GATC: variants seen among roughly 807,000 people sequenced by gnomAD.
GATC encodes the protein glutamyl-tRNA amidotransferase subunit C, also known as glutamyl-tRNA(Gln) amidotransferase subunit C, mitochondrial.
In GATC, 11 loss-of-function variants were observed where a neutral mutation model predicts 14.4. That is an observed-to-expected ratio of 0.77 (90% CI 0.48 to 1.27). The LOEUF (loss-of-function observed/expected upper bound fraction) is 1.27, where lower values mean the gene tolerates loss of function less well. GATC is among the 50% of genes most tolerant of loss of function. The pLI, the probability that GATC is intolerant of heterozygous loss-of-function variation, is 0.00. For missense variants in GATC, 204 were observed against 183.0 expected (o/e 1.11, Z -0.66); for synonymous variants, 76 against 79.3 (o/e 0.96, Z 0.22).
chr12:120,448,513 G>A (rs1008880000), intron 2 of GATC, among the ~76,000 whole-genome samples: 15 of 151,362 alleles, frequency 9.9e-5, no homozygotes, highest in African/African-American at 3.6e-4. Flanking sequence ...ATTTTTAGTA[G>A]AGACAGGGTT....
Position 120,462,609 on chromosome 12 carries a change from G to A in GATC, c.*2650G>A, listed in dbSNP as rs1411052905. On this transcript the variant is annotated 3_prime_UTR_variant, in exon 4 of 4. Transcript: ENST00000551765. ...TAATACCTTCCAGATGTGAGGACCT[G>A]AGCTAGATGCTTTAGACGTTATCCT... 1 of 153,634 alleles carries A rather than the reference G, an allele frequency of 6.5e-6. No individual in the cohort carries two copies. Among genetic ancestry groups the A allele is most frequent in the Non-Finnish European group, 1.4e-5 (1 of 69,020 alleles). The allele number at this position is 153,634 out of a possible 1,614,324, so 9.5% of individuals were successfully genotyped here.
At chr12:120,449,901 T>A (rs1877991866) in intron 2 of GATC, among the ~76,000 whole-genome samples, 1 of 152,074 alleles carries the variant, frequency 6.6e-6, no homozygotes, top group South Asian at 2.1e-4. Flanking sequence ...TAGCTGGGAT[T>A]ACAGGTGCAC....
chr12:120,446,925 G>C, intron 2 of GATC, 96 bp downstream of exon 2: 2 of 1,252,432 alleles, frequency 1.6e-6, no homozygotes, highest in South Asian at 1.5e-5. Flanking sequence ...GGGTTAAAGA[G>C]TGTTAGCAAG....
chr12:120,447,939 G>A (rs964757288), intron 2 of GATC, among the ~76,000 whole-genome samples: 1 of 151,838 alleles, frequency 6.6e-6, no homozygotes, highest in African/African-American at 2.4e-5. Flanking sequence ...ATTTTTGATA[G>A]AGACGGGATT....
chr12:120,459,155 G>A (rs911062553), intron 3 of GATC, among the ~76,000 whole-genome samples: 7 of 152,090 alleles, frequency 4.6e-5, no homozygotes, highest in Non-Finnish European at 7.3e-5. Flanking sequence ...CACCGCACCC[G>A]GCCGTGAGCT....
chr12:120,457,602 C>CTTTTT (rs3999474), intron 3 of GATC, among the ~76,000 whole-genome samples: 4 of 103,610 alleles, frequency 3.9e-5, no homozygotes, highest in Non-Finnish European at 5.6e-5. Context: ...TAAAAGAATC[C>CTTTTT]TTTTTTTTTT....
chr12:120,462,282 T>A lies in GATC; in HGVS notation c.*2323T>A. On this transcript the variant is annotated 3_prime_UTR_variant, in exon 4 of 4. Coordinates refer to ENST00000551765, the MANE Select transcript of GATC (RefSeq NM_176818.3). ...GAGCACTTACTGTGTACTCTGTGCC[T>A]GGCATGAGGCTATCTCATTAAACCT... is the stretch of plus-strand genomic sequence containing the variant. 1 of 1,060,652 alleles carries A rather than the reference T, an allele frequency of 9.4e-7. No homozygotes were observed. Among genetic ancestry groups the A allele is most frequent in the Non-Finnish European group, 1.3e-6 (1 of 747,942 alleles). The allele number at this position is 1,060,652 out of a possible 1,614,324, so 65.7% of individuals were successfully genotyped here.
Position 120,462,135 on chromosome 12 carries a change from G to C in GATC, c.*2176G>C. 6.2e-7 allele frequency: 1 copy of C among 1,612,846 alleles called. No individual in the cohort carries two copies. The highest frequency in any genetic ancestry group is 8.5e-7 in the Non-Finnish European group (1 of 1,179,742). On this transcript the variant is annotated 3_prime_UTR_variant, in exon 4 of 4. Transcript: ENST00000551765. ...TAGCCATAGCTGGTGCTTCTCTCAGGATAAACTCGGATGTAGGAAGTTTCA... is the reference window on the plus strand; with the variant it reads ...TAGCCATAGCTGGTGCTTCTCTCAGCATAAACTCGGATGTAGGAAGTTTCA...
At chr12:120,457,771 A>G (rs1878227005) in intron 3 of GATC, among the ~76,000 whole-genome samples, 1 of 151,802 alleles carries the variant, frequency 6.6e-6, no homozygotes, top group African/African-American at 2.4e-5. Flanking sequence ...ACGCCTGGCT[A>G]ATTTTTTGTA....
rs1449663373 is a variant in GATC at position 120,463,690 on chromosome 12, C to A, written c.*3731C>A. The A allele has an allele frequency of 3.0e-6, 1 of 329,792 alleles. No individual in the cohort carries two copies. Among genetic ancestry groups the A allele is most frequent in the Non-Finnish European group, 5.5e-6 (1 of 181,004 alleles). 20.4% of individuals were successfully genotyped at this position (329,792 alleles called of 1,614,324 possible). On this transcript the variant is annotated 3_prime_UTR_variant, in exon 4 of 4. Coordinates refer to ENST00000551765, the MANE Select transcript of GATC (RefSeq NM_176818.3). Reference sequence around the variant, plus strand: ...TAGTATTCTCTCCAGGTTACAAATACCATGACCAAACTGTGTAATGTGATA... The same window carrying A: ...TAGTATTCTCTCCAGGTTACAAATAACATGACCAAACTGTGTAATGTGATA...
intron 2 of GATC, among the ~76,000 whole-genome samples, chr12:120,453,936 T>G (rs565480303): frequency 6.6e-6 from 1 of 152,098 alleles, no homozygotes; most frequent in Non-Finnish European, 1.5e-5. Flanking sequence ...TATGTATGTA[T>G]GTACATACAT....
At position 120,462,229 on chromosome 12, in the gene GATC, C is replaced by T; in HGVS notation, c.*2270C>T. 1 of 1,493,610 alleles carries T rather than the reference C, an allele frequency of 6.7e-7. No homozygotes were observed. The highest frequency in any genetic ancestry group is 9.1e-7 in the Non-Finnish European group (1 of 1,101,552). 92.5% of individuals were successfully genotyped at this position (1,493,610 alleles called of 1,614,324 possible). On this transcript the variant is annotated 3_prime_UTR_variant, in exon 4 of 4. Coordinates refer to ENST00000551765, the MANE Select transcript of GATC (RefSeq NM_176818.3). The stretch of plus-strand genomic sequence containing the variant: ...ATCAGAGCCAGAAGAATAAGCAAAC[C>T]AACATCTAACAATAATAGTTAAGTA...
chr12:120,451,745 A>C (rs191810245), intron 2 of GATC, among the ~76,000 whole-genome samples: 51 of 151,934 alleles, frequency 3.4e-4, no homozygotes, highest in African/African-American at 7.3e-4. Flanking sequence ...CCATCTCAAA[A>C]AAACAAACAA....
In GATC at chr12:120,446,698, GCGT is replaced by G; in HGVS notation, c.125_127del (p.Arg42del). ...CGGCTGCGGTGATCGAGCACCTGGA[GCGT>G]CTAGCGCTTGTGGACTTCGGCAGCC... On this transcript the variant is annotated inframe_deletion, in exon 2 of 4. Coordinates refer to ENST00000551765, the MANE Select transcript of GATC (RefSeq NM_176818.3). The G allele has an allele frequency of 6.2e-7, 1 of 1,613,784 alleles. No individual in the cohort carries two copies. Among genetic ancestry groups the G allele is most frequent in the African/African-American group, 1.3e-5 (1 of 75,070 alleles).
intron 2 of GATC, among the ~76,000 whole-genome samples, chr12:120,453,794 C>T (rs1878108965): frequency 6.7e-6 from 1 of 150,362 alleles, no homozygotes; most frequent in African/African-American, 2.4e-5. Flanking sequence ...CCAGCCTAGG[C>T]AACACAGCAA....
intron 3 of GATC, 32 bp downstream of exon 3, chr12:120,457,211 G>A: frequency 6.9e-7 from 1 of 1,444,214 alleles, no homozygotes; most frequent in Non-Finnish European, 9.7e-7. Flanking sequence ...TTAACAGATA[G>A]TCTCACAGTA....
chr12:120,456,301 G>C (rs1268848469), intron 2 of GATC, among the ~76,000 whole-genome samples: 1 of 152,192 alleles, frequency 6.6e-6, no homozygotes, highest in African/African-American at 2.4e-5. Flanking sequence ...AGGTCCCACA[G>C]AACACTGGGA....
Position 120,462,301 on chromosome 12 carries a change from T to A in GATC, c.*2342T>A. ...TGTGCCTGGCATGAGGCTATCTCATTAAACCTTCATAACATTATGAGGTAG... is the reference window on the plus strand; with the variant it reads ...TGTGCCTGGCATGAGGCTATCTCATAAAACCTTCATAACATTATGAGGTAG... On this transcript the variant is annotated 3_prime_UTR_variant, in exon 4 of 4. Transcript: ENST00000551765. 2 of 819,682 alleles carry A rather than the reference T, an allele frequency of 2.4e-6. No homozygotes were observed. Among genetic ancestry groups the A allele is most frequent in the Non-Finnish European group, 3.7e-6 (2 of 543,614 alleles). The allele number at this position is 819,682 out of a possible 1,614,324, so 50.8% of individuals were successfully genotyped here.
intron 2 of GATC, among the ~76,000 whole-genome samples, chr12:120,456,460 G>A (rs1878186727): frequency 6.6e-6 from 1 of 152,118 alleles, no homozygotes; most frequent in Non-Finnish European, 1.5e-5. Context: ...AGTTACTCTT[G>A]TGGCAAGTTT....
Sources: gnomAD v4.1 joint callset for allele counts (sites outside exome capture counted in the v4.1 genomes callset) on GRCh38, gnomAD v4.1.1 for gene constraint, MANE v1.5 for transcripts, NCBI Gene and HGNC (gene_info 2026-07-23, HGNC 2026-07-21) for gene names.